Variants in LTBP4 observed in about 807,000 individuals in gnomAD.
LTBP4 encodes the protein latent-transforming growth factor beta-binding protein 4.
A neutral mutation model predicts 180.2 loss-of-function variants in LTBP4; 93 were observed. The observed-to-expected ratio is 0.52, with a 90% confidence interval of 0.44 to 0.61. The LOEUF (loss-of-function observed/expected upper bound fraction) is 0.61, where lower values mean the gene tolerates loss of function less well. Ranked by LOEUF, LTBP4 falls within the 20% of genes least tolerant of loss-of-function variation. The pLI, the probability that LTBP4 is intolerant of heterozygous loss-of-function variation, is 0.00. For missense variants in LTBP4, 2,116 were observed against 2,256.5 expected, an observed-to-expected ratio of 0.94 and a Z score of 1.26; for synonymous variants, 947 against 934.5, an observed-to-expected ratio of 1.01 and a Z score of -0.24.
chr19:40,612,988 C>G, intron 15 of LTBP4, 77 bp from the exon 16 acceptor site: 2 of 1,478,186 alleles, frequency 1.4e-6, no homozygotes, highest in Non-Finnish European at 1.9e-6. Context: ...CCACCTCCCC[C>G]AGACACCCTA....
chr19:40,600,249 C>T (rs558540104), upstream of LTBP4: 56 of 856,356 alleles, frequency 6.5e-5, no homozygotes, highest in African/African-American at 8.2e-4. The surrounding 1 kb of genome is among the most constrained non-coding windows in gnomAD (Gnocchi z 4.4). Flanking sequence ...CTGGTTCCCA[C>T]GGTCCAGCCG....
rs1288326407 is a variant in LTBP4 at position 40,611,459 on chromosome 19, G to A, written c.2053+65G>A. The A allele has an allele frequency of 6.5e-7, 1 of 1,538,844 alleles. No homozygotes were observed. Among genetic ancestry groups the A allele is most frequent in the Admixed American group, 1.8e-5 (1 of 54,388 alleles). On this transcript the variant is annotated intron_variant, in intron 13 of 29. Coordinates refer to ENST00000396819, the MANE Select transcript of LTBP4 (RefSeq NM_001042545.2). The surrounding 1 kb of genome is among the most constrained non-coding windows in gnomAD (Gnocchi z 4.4). The stretch of plus-strand genomic sequence containing the variant: ...CTGTGGAGACTGGAGAGAGATTATT[G>A]AGGGGCAGAGAGGCAGAGTGATGGG...
upstream of LTBP4, among the ~76,000 whole-genome samples, chr19:40,599,025 G>A (rs764522809): frequency 6.6e-6 from 1 of 152,166 alleles, no homozygotes; most frequent in Non-Finnish European, 1.5e-5. Flanking sequence ...AAGCCAATTT[G>A]CCTCCCATTG....
At chr19:40,620,769 A>C (rs1333940860) in intron 22 of LTBP4, among the ~76,000 whole-genome samples, 4 of 41,108 alleles carry the variant, frequency 9.7e-5, no homozygotes, top group South Asian at 2.3e-3. Context: ...CTCCGTCCCA[A>C]AAAAAAAAAA....
chr19:40,622,841 G>T lies in LTBP4; in HGVS notation c.3485-109G>T. ...GGGCAGACATAAGGCTGAGAGGTGG[G>T]CACTAACAGGCACAGGGCCAGAGGG... On this transcript the variant is annotated intron_variant, in intron 23 of 29. Transcript: ENST00000396819. The surrounding 1 kb of genome is among the most constrained non-coding windows in gnomAD (Gnocchi z 5.1). 1 of 1,374,318 alleles carries T rather than the reference G, an allele frequency of 7.3e-7. No homozygotes were observed. 85.1% of individuals were successfully genotyped at this position (1,374,318 alleles called of 1,614,324 possible). A position where few individuals can be genotyped will look rare whatever the true frequency, so the allele number is the denominator to read the frequency against.
chr19:40,627,410 G>A lies in LTBP4; in HGVS notation c.4366+55G>A. 2.1e-6 allele frequency: 3 copies of A among 1,448,242 alleles called. No individual in the cohort carries two copies. The South Asian group carries it at 4.4e-5, about 21-fold the overall frequency. 89.7% of individuals were successfully genotyped at this position (1,448,242 alleles called of 1,614,324 possible). ...AGATGAGGGGTGAGGTGTGCACGGA[G>A]AGAGGAGGGAGGGAAACAGAAGGCG... On this transcript the variant is annotated intron_variant, in intron 28 of 29. Transcript: ENST00000396819.
At chr19:40,597,816 A>T (rs1238914773), upstream of LTBP4, among the ~76,000 whole-genome samples, 1 of 146,178 alleles carries the variant, frequency 6.8e-6, no homozygotes, top group Non-Finnish European at 1.5e-5. Context: ...GTTTTCTAGG[A>T]TTTGGGGGCT....
At chr19:40,597,156 GGGGGCA>G, upstream of LTBP4, 1 of 1,223,438 alleles carries the variant, frequency 8.2e-7, no homozygotes, top group Non-Finnish European at 1.0e-6. Context: ...GGGCGGGGGC[GGGGGCA>G]GGGGCGGGGC....
chr19:40,599,197 C>T (rs1170777207), upstream of LTBP4: 17 of 1,607,406 alleles, frequency 1.1e-5, no homozygotes, highest in Admixed American at 2.7e-4. Context: ...CTATTTATAG[C>T]GTTGCTGTTT....
chr19:40,616,215 A>G (rs1190970474), intron 19 of LTBP4, among the ~76,000 whole-genome samples: 1 of 150,738 alleles, frequency 6.6e-6, no homozygotes, highest in African/African-American at 2.4e-5. Context: ...AACTGCCTGA[A>G]CCCGGGAGGT....
upstream of LTBP4, among the ~76,000 whole-genome samples, chr19:40,596,386 T>C (rs12985851): frequency 0.016 from 2,495 of 152,078 alleles, 25 homozygotes; most frequent in Middle Eastern, 0.061. Flanking sequence ...AAGGAGAAAG[T>C]CTGCAATTCT....
At chr19:40,617,501 G>C (rs796877881) in intron 21 of LTBP4, among the ~76,000 whole-genome samples, 5 of 152,128 alleles carry the variant, frequency 3.3e-5, no homozygotes, top group African/African-American at 1.2e-4. Context: ...AAAATTAGCC[G>C]GATCTGGTGG....
chr19:40,606,444 C>T lies in LTBP4; in HGVS notation c.909C>T (p.Gly303=), dbSNP rs1386667305. 5 of 1,589,622 alleles carry T rather than the reference C, an allele frequency of 3.1e-6. No homozygotes were observed. In the African/African-American group the frequency reaches 6.7e-5, roughly 21 times the overall value. Residue 303 remains glycine (G), a synonymous_variant, in exon 6 of 30, where the codon GGC becomes GGT. Transcript: ENST00000396819. ...ECATGGRCQH[G]ECANTRGGYT... The stretch of plus-strand genomic sequence containing the variant: ...CGACTGGCGGGCGCTGCCAGCACGG[C>T]GAGTGTGCAAACACGCGCGGCGGGT...
chr19:40,620,234 A>AT (rs1275899414), intron 22 of LTBP4, among the ~76,000 whole-genome samples: 6 of 134,950 alleles, frequency 4.4e-5, no homozygotes, highest in Non-Finnish European at 9.3e-5. Context: ...TTTTTTTGAA[A>AT]ATTTTTTTTA....
At chr19:40,614,173 C>T in intron 18 of LTBP4, 135 bp downstream of exon 18, 1 of 1,449,178 alleles carries the variant, frequency 6.9e-7, no homozygotes, top group Non-Finnish European at 9.4e-7. Context: ...TCCTAGCCTC[C>T]CCAACTCTCC....
chr19:40,610,443 C>A, intron 11 of LTBP4, 89 bp from the exon 12 acceptor site: 1 of 1,466,658 alleles, frequency 6.8e-7, no homozygotes, highest in Non-Finnish European at 9.1e-7. Context: ...AGCTTGGTCC[C>A]GCTCCCGCTT....
chr19:40,614,261 C>G lies in LTBP4; in HGVS notation c.2681-54C>G. Reference sequence around the variant, plus strand: ...TGACTCTCCTCTCCCCTCTTTGTATCCCCCATCTTGCCTCCCTGCTTCCCA... The same window carrying G: ...TGACTCTCCTCTCCCCTCTTTGTATGCCCCATCTTGCCTCCCTGCTTCCCA... On this transcript the variant is annotated intron_variant, in intron 18 of 29. Coordinates refer to ENST00000396819, the MANE Select transcript of LTBP4 (RefSeq NM_001042545.2). 2.5e-6 allele frequency: 4 copies of G among 1,573,570 alleles called. 1 individual carries two copies. In the South Asian group the frequency reaches 4.5e-5, roughly 18 times the overall value.
intron 26 of LTBP4, among the ~76,000 whole-genome samples, chr19:40,625,311 TA>T (rs2081624826): frequency 9.7e-4 from 30 of 30,868 alleles, no homozygotes; most frequent in East Asian, 1.6e-3. Flanking sequence ...TATATATATA[TA>T]TATATTTTTT....
chr19:40,627,817 C>A lies in LTBP4; in HGVS notation c.4479C>A (p.Phe1493Leu), dbSNP rs1038609848. 1 of 1,570,114 alleles carries A rather than the reference C, an allele frequency of 6.4e-7. No individual in the cohort carries two copies. Among genetic ancestry groups the A allele is most frequent in the Non-Finnish European group, 8.6e-7 (1 of 1,163,370 alleles). Residue 1493 changes from phenylalanine (F) to leucine (L), a missense_variant, in exon 29 of 30, where the codon TTC becomes TTA. Physicochemically the swap from Phe to Leu is conservative, Grantham distance 22. Transcript: ENST00000396819. ...CCGAAGGCTTCACCTGCCGTTGCTT[C>A]GACGGCTACCGCCTGGACATGACCC... ...RVPEGFTCRC[F>L]DGYRLDMTRM...
Sources: allele counts gnomAD v4.1 joint callset (sites outside exome capture counted in the v4.1 genomes callset), GRCh38; gene constraint gnomAD v4.1.1; non-coding constraint Gnocchi (gnomAD v3.1); transcripts MANE v1.5; gene names NCBI Gene and HGNC (gene_info 2026-07-23, HGNC 2026-07-21).